The following KIF2C variants were observed in gnomAD, a reference collection of about 807,000 sequenced individuals.
KIF2C encodes kinesin family member 2C.
In KIF2C, 34 loss-of-function variants were observed where a neutral mutation model predicts 97.4. The ratio of observed to expected loss-of-function variants is 0.35; its 90% CI spans 0.27 to 0.46. The LOEUF (loss-of-function observed/expected upper bound fraction) is 0.46, where lower values mean the gene tolerates loss of function less well. Ranked by LOEUF, KIF2C falls within the 20% of genes least tolerant of loss-of-function variation. The probability of loss-of-function intolerance (pLI) is 1.00; values close to 1 mark genes in which losing one functional copy is unlikely to be tolerated. For missense variants in KIF2C, 750 were observed against 907.6 expected, an observed-to-expected ratio of 0.83 and a Z score of 2.23; for synonymous variants, 313 against 318.2, an observed-to-expected ratio of 0.98 and a Z score of 0.17.
chr1:44,759,459 TA>T, intron 14 of KIF2C, 111 bp downstream of exon 14: 1 of 1,380,958 alleles, frequency 7.2e-7, no homozygotes. Flanking sequence ...CCCAGTTTGG[TA>T]AGGGCTGCGA....
At chr1:44,745,835 C>CA (rs1029124005) in intron 2 of KIF2C, among the ~76,000 whole-genome samples, 1 of 151,884 alleles carries the variant, frequency 6.6e-6, no homozygotes, top group African/African-American at 2.4e-5. Context: ...TGGTGCCTAA[C>CA]AAATGTTTGA....
intron 6 of KIF2C, 42 bp downstream of exon 6, chr1:44,753,296 C>A: frequency 6.3e-7 from 1 of 1,582,872 alleles, no homozygotes; most frequent in Non-Finnish European, 8.6e-7. Flanking sequence ...TCTAGTGAGG[C>A]ACAGATAGTT....
chr1:44,751,162 T>C lies in KIF2C; in HGVS notation c.439+598T>C, dbSNP rs141181835. ...TAATCCTGACTTCTAATAGCATTAA[T>C]TAGCTTTTTTTCTTTCTGTATTTTA... On this transcript the variant is annotated intron_variant, in intron 5 of 20. Coordinates refer to ENST00000372224, the MANE Select transcript of KIF2C (RefSeq NM_006845.4). Among the ~76,000 whole-genome samples the C allele has an allele frequency of 4.1e-3, 626 of 151,288 alleles. 2 individuals are homozygous for C. Among genetic ancestry groups the C allele is most frequent in the Non-Finnish European group, 6.8e-3 (463 of 67,894 alleles).
At chr1:44,757,529 G>C (rs746739009) in intron 10 of KIF2C, 27 bp from the exon 11 acceptor site, 1 of 1,470,740 alleles carries the variant, frequency 6.8e-7, no homozygotes, top group Non-Finnish European at 9.5e-7. Context: ...TTTGGGAACA[G>C]ATACAAATAC....
At position 44,750,463 on chromosome 1, in the gene KIF2C, G is replaced by A. The variant is rs767930195; in HGVS notation, c.338G>A (p.Arg113His). ...PKESLRSRST[R>H]MSTVSELRIT... ...CCAGGTCTTCGAAGCCGCTCCACTC[G>A]CATGTCCACTGTCTCAGAGCTTCGC... is the stretch of plus-strand genomic sequence containing the variant. Residue 113 changes from arginine to histidine, a missense_variant, in exon 5 of 21, where the codon CGC becomes CAC. Physicochemically the swap from Arg to His is conservative, Grantham distance 29 (BLOSUM62 0). Coordinates refer to ENST00000372224, the MANE Select transcript of KIF2C (RefSeq NM_006845.4). 14 of 1,546,528 alleles carry A rather than the reference G, an allele frequency of 9.1e-6. No homozygotes were observed. The highest frequency in any genetic ancestry group is 1.9e-5 in the Admixed American group (1 of 53,904).
intron 5 of KIF2C, among the ~76,000 whole-genome samples, chr1:44,752,690 A>G (rs956935344): frequency 1.3e-5 from 2 of 152,184 alleles, no homozygotes; most frequent in African/African-American, 2.4e-5. Flanking sequence ...TCTGTATTGA[A>G]TCAATCTGGT....
At chr1:44,752,393 C>CA (rs1263658978) in intron 5 of KIF2C, among the ~76,000 whole-genome samples, 9 of 152,066 alleles carry the variant, frequency 5.9e-5, no homozygotes, top group African/African-American at 2.2e-4. Context: ...CTCGGCCTCC[C>CA]AAAGTGCTGG....
chr1:44,758,461 T>C (rs1294342603), intron 13 of KIF2C, among the ~76,000 whole-genome samples: 1 of 152,188 alleles, frequency 6.6e-6, no homozygotes, highest in Non-Finnish European at 1.5e-5. Flanking sequence ...ATTCATTCTT[T>C]CCCTGCCCGC....
chr1:44,759,392 G>A (rs1185323954), intron 14 of KIF2C, 44 bp downstream of exon 14: 2 of 1,609,262 alleles, frequency 1.2e-6, no homozygotes, highest in Non-Finnish European at 1.7e-6. Context: ...CTCATGTCTG[G>A]TTTATGAGTA....
intron 1 of KIF2C, 148 bp from the exon 2 acceptor site, chr1:44,740,765 A>G: frequency 1.9e-6 from 1 of 527,342 alleles, no homozygotes; most frequent in Non-Finnish European, 3.3e-6. Flanking sequence ...CAGGAGATTT[A>G]TTTGTTTCTC....
At position 44,758,207 on chromosome 1, in the gene KIF2C, C is replaced by A. The variant is rs1294872204; in HGVS notation, c.1224+67C>A. ...GCACTTTTTAAAACCTTGAAGCTGG[C>A]TAGAAGTTGAGGCCAAAAACCTATT... On this transcript the variant is annotated intron_variant, in intron 13 of 20. Transcript: ENST00000372224. 5 of 1,464,066 alleles carry A rather than the reference C, an allele frequency of 3.4e-6. No homozygotes were observed. In the African/African-American group the frequency reaches 5.9e-5, roughly 17 times the overall value. The allele number at this position is 1,464,066 out of a possible 1,614,324, so 90.7% of individuals were successfully genotyped here.
At chr1:44,755,025 G>A (rs1649743231) in intron 8 of KIF2C, among the ~76,000 whole-genome samples, 180 bp downstream of exon 8, 1 of 151,882 alleles carries the variant, frequency 6.6e-6, no homozygotes, top group Non-Finnish European at 1.5e-5. Flanking sequence ...TACGATCTTG[G>A]ATCACTGCAA....
intron 2 of KIF2C, 70 bp downstream of exon 2, chr1:44,741,077 A>C: frequency 3.3e-6 from 4 of 1,202,938 alleles, no homozygotes; most frequent in Non-Finnish European, 4.8e-6. Flanking sequence ...CAGAAGTGGA[A>C]TCTGTGAGAG....
chr1:44,749,260 CCT>C (rs897046754), intron 4 of KIF2C, among the ~76,000 whole-genome samples: 2 of 151,814 alleles, frequency 1.3e-5, no homozygotes, highest in African/African-American at 2.4e-5. Context: ...TGGTGAAACC[CCT>C]GTCTCTACTA....
intron 13 of KIF2C, among the ~76,000 whole-genome samples, chr1:44,758,704 A>G (rs1174882634): frequency 6.6e-6 from 1 of 151,972 alleles, no homozygotes; most frequent in Non-Finnish European, 1.5e-5. Context: ...GTGAAACCCC[A>G]TCTCTACTAA....
At chr1:44,750,658 C>T in intron 5 of KIF2C, 94 bp downstream of exon 5, 2 of 1,312,540 alleles carry the variant, frequency 1.5e-6, no homozygotes, top group Non-Finnish European at 2.0e-6. Flanking sequence ...TCATCCATTC[C>T]CCCAGCTTCA....
chr1:44,762,061 C>T, intron 17 of KIF2C, 78 bp downstream of exon 17: 1 of 1,338,512 alleles, frequency 7.5e-7, no homozygotes, highest in Non-Finnish European at 1.1e-6. Context: ...GGAGGAGGCT[C>T]TGGGGCCTCA....
chr1:44,761,344 G>A (rs1650131509), intron 16 of KIF2C, among the ~76,000 whole-genome samples: 1 of 152,086 alleles, frequency 6.6e-6, no homozygotes, highest in Admixed American at 6.6e-5. Flanking sequence ...GGTGGCTCAC[G>A]CCTGTAATCC....
chr1:44,761,868 A>T, intron 16 of KIF2C, 48 bp from the exon 17 acceptor site: 1 of 1,574,536 alleles, frequency 6.4e-7, no homozygotes, highest in Middle Eastern at 1.7e-4. Flanking sequence ...GCTATATAGC[A>T]TCCTCACCGT....
Sources: allele counts gnomAD v4.1 joint callset (sites outside exome capture counted in the v4.1 genomes callset), GRCh38; gene constraint gnomAD v4.1.1; transcripts MANE v1.5; gene names NCBI Gene and HGNC (gene_info 2026-07-23, HGNC 2026-07-21).